PTCHD4: variants seen among roughly 807,000 people sequenced by gnomAD.
PTCHD4 encodes patched domain-containing protein 4.
Under a neutral mutation model 58.1 loss-of-function variants are expected in PTCHD4, and 33 were observed. That is an observed-to-expected ratio of 0.57 (90% CI 0.43 to 0.76). PTCHD4 has a LOEUF of 0.76. Among genes scored for constraint, PTCHD4 ranks in the 30% least tolerant of loss-of-function variants. PTCHD4 has a pLI of 0.00. For missense variants in PTCHD4, 1,058 were observed against 1,027.1 expected (o/e 1.03, Z -0.41); for synonymous variants, 478 against 409.6 (o/e 1.17, Z -2.02).
At chr6:48,030,816 TG>T (rs1442883476) in intron 3 of PTCHD4, among the ~76,000 whole-genome samples, 2 of 152,148 alleles carry the variant, frequency 1.3e-5, no homozygotes, top group Non-Finnish European at 2.9e-5. Context: ...ACTCAGAAAC[TG>T]GGTTTCTAAC....
intron 4 of PTCHD4, among the ~76,000 whole-genome samples, chr6:47,923,932 C>G (rs997107254): frequency 3.3e-5 from 5 of 152,172 alleles, no homozygotes; most frequent in Non-Finnish European, 5.9e-5. Flanking sequence ...TGCCACTTCA[C>G]AGTGCTTGGC....
intron 4 of PTCHD4, among the ~76,000 whole-genome samples, chr6:47,973,492 G>A (rs567762951): frequency 1.5e-3 from 230 of 152,294 alleles, no homozygotes; most frequent in African/African-American, 5.0e-3. Context: ...CTTAACAACC[G>A]GGAACCTGTG....
chr6:48,067,739 C>T (rs765459621), intron 3 of PTCHD4, among the ~76,000 whole-genome samples: 1 of 152,184 alleles, frequency 6.6e-6, no homozygotes, highest in Non-Finnish European at 1.5e-5. Context: ...AGGATTCCCC[C>T]TCCCCCTTCC....
chr6:47,930,334 A>G (rs1765770418), intron 4 of PTCHD4, among the ~76,000 whole-genome samples: 1 of 152,214 alleles, frequency 6.6e-6, no homozygotes, highest in African/African-American at 2.4e-5. Context: ...TTCGTTTTGT[A>G]TACAGATGTT....
At chr6:47,976,380 C>A (rs888019464) in intron 4 of PTCHD4, among the ~76,000 whole-genome samples, 2 of 152,106 alleles carry the variant, frequency 1.3e-5, no homozygotes, top group Non-Finnish European at 2.9e-5. Context: ...ACTGGCCAGG[C>A]GCTGTGGCTC....
intron 4 of PTCHD4, among the ~76,000 whole-genome samples, chr6:47,974,733 G>T (rs1470950507): frequency 6.6e-6 from 1 of 152,176 alleles, no homozygotes; most frequent in African/African-American, 2.4e-5. Flanking sequence ...ATTTCTTGCT[G>T]ATTTTCATTC....
At chr6:47,954,678 G>A (rs1350824999) in intron 4 of PTCHD4, among the ~76,000 whole-genome samples, 1 of 152,160 alleles carries the variant, frequency 6.6e-6, no homozygotes, top group Non-Finnish European at 1.5e-5. Flanking sequence ...TAGTAAAACT[G>A]TTGTAGTATT....
intron 4 of PTCHD4, among the ~76,000 whole-genome samples, chr6:47,933,827 A>G (rs748568109): frequency 2.6e-5 from 4 of 152,138 alleles, no homozygotes; most frequent in Non-Finnish European, 5.9e-5. Flanking sequence ...AACTGAATTT[A>G]CCTGATTATA....
chr6:48,047,299 A>G (rs1227488330), intron 3 of PTCHD4, among the ~76,000 whole-genome samples: 3 of 151,724 alleles, frequency 2.0e-5, no homozygotes, highest in Non-Finnish European at 4.4e-5. Flanking sequence ...CCCTCTAATT[A>G]TCACTTAGAA....
At chr6:48,103,343 G>C (rs1473251694) in intron 1 of PTCHD4, among the ~76,000 whole-genome samples, 2 of 152,168 alleles carry the variant, frequency 1.3e-5, no homozygotes, top group Non-Finnish European at 2.9e-5. Flanking sequence ...AGGCAAACAG[G>C]GTCTGCAGTG....
intron 1 of PTCHD4, among the ~76,000 whole-genome samples, chr6:48,108,266 C>T (rs1765784351): frequency 6.6e-6 from 1 of 152,098 alleles, no homozygotes; most frequent in Non-Finnish European, 1.5e-5. Flanking sequence ...GAATACTATG[C>T]AGCCATAAAA....
chr6:48,047,816 T>A (rs922843275), intron 3 of PTCHD4, among the ~76,000 whole-genome samples: 1 of 151,844 alleles, frequency 6.6e-6, no homozygotes, highest in Non-Finnish European at 1.5e-5. Flanking sequence ...ATGAATATGA[T>A]AGTGCCTTGG....
At chr6:48,098,557 T>G (rs1444494402) in intron 1 of PTCHD4, among the ~76,000 whole-genome samples, 1 of 152,170 alleles carries the variant, frequency 6.6e-6, no homozygotes, top group Non-Finnish European at 1.5e-5. Flanking sequence ...CAGGATGGCC[T>G]CGAACTCCTG....
chr6:48,030,692 T>G (rs1010838343), intron 3 of PTCHD4, among the ~76,000 whole-genome samples: 1 of 152,116 alleles, frequency 6.6e-6, no homozygotes, highest in African/African-American at 2.4e-5. Flanking sequence ...GTCACTGCCA[T>G]CCTCACTCCA....
intron 4 of PTCHD4, among the ~76,000 whole-genome samples, chr6:47,985,568 CCTT>C (rs1446364105): frequency 3.3e-5 from 5 of 151,916 alleles, no homozygotes; most frequent in Non-Finnish European, 7.4e-5. Context: ...GAAAAAAACT[CCTT>C]CATTTAGTGG....
chr6:48,100,232 A>C (rs2113911472), intron 1 of PTCHD4, among the ~76,000 whole-genome samples: 2 of 152,346 alleles, frequency 1.3e-5, no homozygotes, highest in South Asian at 4.1e-4. Flanking sequence ...AGATATATGT[A>C]GAAAAATAGG....
At position 48,045,816 on chromosome 6, in the gene PTCHD4, A is replaced by G. The variant is rs1243065620; in HGVS notation, c.417+22414T>C. The stretch of plus-strand genomic sequence containing the variant: ...CCCACTCAGCTCTGCAGCTTTGAGT[A>G]CAGAGATTGACTTTAACGCATCTTC... On this transcript the variant is annotated intron_variant, in intron 3 of 4. Coordinates refer to ENST00000339488, the MANE Select transcript of PTCHD4 (RefSeq NM_001384253.1). Among the ~76,000 whole-genome samples the G allele has an allele frequency of 2.7e-5, 4 of 150,008 alleles. No individual in the cohort carries two copies. In the East Asian group the frequency reaches 7.8e-4, roughly 29 times the overall value.
chr6:48,100,553 A>T (rs1765582055), intron 1 of PTCHD4, among the ~76,000 whole-genome samples: 2 of 152,198 alleles, frequency 1.3e-5, no homozygotes, highest in African/African-American at 4.8e-5. Flanking sequence ...CTTTCATCCC[A>T]CAGGATTTAG....
chr6:48,006,727 A>G (rs1418305134), intron 4 of PTCHD4, among the ~76,000 whole-genome samples: 1 of 152,242 alleles, frequency 6.6e-6, no homozygotes, highest in Non-Finnish European at 1.5e-5. Flanking sequence ...TGCAAAATCC[A>G]GGAAGGCTCA....
Sources: gnomAD v4.1 joint callset for allele counts (sites outside exome capture counted in the v4.1 genomes callset) on GRCh38, gnomAD v4.1.1 for gene constraint, MANE v1.5 for transcripts, NCBI Gene and HGNC (gene_info 2026-07-23, HGNC 2026-07-21) for gene names.